IQSEC1: variants seen among roughly 807,000 people sequenced by gnomAD.
IQSEC1 encodes the protein IQ motif and SEC7 domain-containing protein 1.
Under a neutral mutation model 91.0 loss-of-function variants are expected in IQSEC1, and 31 were observed. The ratio of observed to expected loss-of-function variants is 0.34; its 90% CI spans 0.26 to 0.46. IQSEC1 has a LOEUF of 0.46. Among genes scored for constraint, IQSEC1 ranks in the 20% least tolerant of loss-of-function variants. The probability of loss-of-function intolerance (pLI) is 1.00; values close to 1 mark genes in which losing one functional copy is unlikely to be tolerated. For missense variants in IQSEC1, 1,388 were observed against 1,575.6 expected, an observed-to-expected ratio of 0.88 and a Z score of 2.02; for synonymous variants, 699 against 662.6, an observed-to-expected ratio of 1.05 and a Z score of -0.84.
chr3:13,162,745 G>GTGCACCAGGGCAGTCTCCCCTCCTCCTCC, intron 2 of IQSEC1, among the ~76,000 whole-genome samples: 1 of 152,170 alleles, frequency 6.6e-6, no homozygotes, highest in Admixed American at 6.5e-5. Context: ...TTTCTCCATC[G>GTGCACCAGGGCAGTCTCCCCTCCTCCTCC]TGCACCAGGG....
At chr3:13,072,225 C>G (rs1576236294) in intron 1 of IQSEC1, among the ~76,000 whole-genome samples, 1 of 152,352 alleles carries the variant, frequency 6.6e-6, no homozygotes, top group East Asian at 1.9e-4. Context: ...CGCTGGGCCT[C>G]AACCCCCGCA....
At chr3:12,977,377 T>C (rs1701234137) in intron 1 of IQSEC1, among the ~76,000 whole-genome samples, 1 of 150,870 alleles carries the variant, frequency 6.6e-6, no homozygotes, top group Admixed American at 6.6e-5. Flanking sequence ...CGCTATCCCG[T>C]TGGCAAAACG....
At chr3:13,068,465 C>T (rs1315702231) in intron 1 of IQSEC1, among the ~76,000 whole-genome samples, 9 of 152,350 alleles carry the variant, frequency 5.9e-5, no homozygotes, top group Middle Eastern at 3.4e-3. Context: ...GGCCAGGCCT[C>T]TGAATTTTCA....
intron 3 of IQSEC1, among the ~76,000 whole-genome samples, chr3:12,928,504 C>G (rs1249139320): frequency 6.6e-6 from 1 of 152,170 alleles, no homozygotes; most frequent in African/African-American, 2.4e-5. Flanking sequence ...AAGCTCCCTG[C>G]AGGAGTGACA....
At chr3:12,928,248 G>A (rs2125243777) in intron 3 of IQSEC1, among the ~76,000 whole-genome samples, 1 of 152,272 alleles carries the variant, frequency 6.6e-6, no homozygotes, top group East Asian at 1.9e-4. Context: ...GGTGGGGGCG[G>A]TGGAGGTAGG....
intron 1 of IQSEC1, among the ~76,000 whole-genome samples, chr3:13,024,907 T>C (rs1178932136): frequency 6.6e-6 from 1 of 152,222 alleles, no homozygotes; most frequent in Non-Finnish European, 1.5e-5. Flanking sequence ...TTTGTCCCTT[T>C]GCAAAACAGG....
At chr3:13,047,409 T>C (rs1704539565) in intron 1 of IQSEC1, 1 of 876,900 alleles carries the variant, frequency 1.1e-6, no homozygotes, top group South Asian at 5.3e-5. Flanking sequence ...GGCCTGCCTC[T>C]GGGTGCAGAT....
chr3:12,963,987 G>T (rs1700400063), intron 1 of IQSEC1, among the ~76,000 whole-genome samples: 1 of 152,234 alleles, frequency 6.6e-6, no homozygotes, highest in Non-Finnish European at 1.5e-5. Flanking sequence ...TGTCCGCCAT[G>T]AGGCCAGGCG....
At chr3:13,244,265 T>C (rs1350828083) in intron 1 of IQSEC1, among the ~76,000 whole-genome samples, 1 of 152,230 alleles carries the variant, frequency 6.6e-6, no homozygotes, top group Non-Finnish European at 1.5e-5. Flanking sequence ...CGATCTCAGC[T>C]TACTGCAACC....
rs912851366 is a variant in IQSEC1 at position 12,994,227 on chromosome 3, G to C, written c.24-52362C>G. ...CGAGCCCGATACCAGCGCCACCGGC[G>C]GGGCGGCCTCCCCGCGCGCCGCCCT... On this transcript the variant is annotated intron_variant, in intron 1 of 13. Transcript: ENST00000613206. The surrounding 1 kb of genome is among the most constrained non-coding windows in gnomAD (Gnocchi z 4.5). 6.8e-6 allele frequency among the ~76,000 whole-genome samples: 1 copy of C among 148,112 alleles called. No homozygotes were observed. The highest frequency in any genetic ancestry group is 2.5e-5 in the African/African-American group (1 of 40,616).
chr3:12,943,403 G>A (rs1284020499), intron 1 of IQSEC1, among the ~76,000 whole-genome samples: 1 of 152,208 alleles, frequency 6.6e-6, no homozygotes, highest in Non-Finnish European at 1.5e-5. Context: ...GCTTCTCAGT[G>A]TAGGACGAGC....
chr3:13,240,424 C>T (rs1695001784), intron 1 of IQSEC1, among the ~76,000 whole-genome samples: 1 of 152,042 alleles, frequency 6.6e-6, no homozygotes, highest in African/African-American at 2.4e-5. Flanking sequence ...GTTTGAGGCT[C>T]CCCAGGGCTA....
In IQSEC1 at chr3:13,275,467, T is replaced by C. The variant is rs200159657; in HGVS notation, c.272+7244A>G. ...CCCATCTGGGCCTCACCTGGCCCAG[T>C]TGCACCGACCTGTTACAACCAATGA... On this transcript the variant is annotated intron_variant, in intron 1 of 15. Transcript: ENST00000648114. Among the ~76,000 whole-genome samples, 11 of 152,212 alleles carry C rather than the reference T, an allele frequency of 7.2e-5. No homozygotes were observed. In the East Asian group the frequency reaches 1.9e-3, roughly 27 times the overall value.
At chr3:13,237,883 C>T (rs1281533188) in intron 1 of IQSEC1, among the ~76,000 whole-genome samples, 1 of 152,208 alleles carries the variant, frequency 6.6e-6, no homozygotes, top group Non-Finnish European at 1.5e-5. Flanking sequence ...CCAGAGCAGC[C>T]AAGCCCAGGC....
At position 12,899,391 on chromosome 3, in the gene IQSEC1, TAGG is replaced by T. The variant is rs779988181; in HGVS notation, c.*1589_*1591del. ...GGGGCAGTCCTCGGGTCCCATGGCT[TAGG>T]AGCACAGCACTGACGGCTGCAGTGG... is the stretch of plus-strand genomic sequence containing the variant. On this transcript the variant is annotated 3_prime_UTR_variant, in exon 14 of 14. Transcript: ENST00000613206. 164 of 1,612,962 alleles carry T rather than the reference TAGG, an allele frequency of 1.0e-4. No homozygotes were observed. In the East Asian group the frequency reaches 3.4e-3, roughly 33 times the overall value.
intron 1 of IQSEC1, among the ~76,000 whole-genome samples, chr3:13,227,346 A>C (rs1694770974): frequency 7.6e-6 from 1 of 131,810 alleles, no homozygotes. Context: ...ATTGCATTCC[A>C]GCCTGGGCGA....
In IQSEC1 at chr3:13,033,459, A is replaced by T. The variant is rs572357675; in HGVS notation, c.23+39533T>A. On this transcript the variant is annotated intron_variant, in intron 1 of 13. Transcript: ENST00000613206. ...GGCTGTGTTCTCCCTGTGTCTTCAC[A>T]CGGCATATTAGTCAGGGGTCTCCAG... Among the ~76,000 whole-genome samples the T allele has an allele frequency of 2.6e-5, 4 of 152,254 alleles. No individual in the cohort carries two copies. In the East Asian group the frequency reaches 7.7e-4, roughly 29 times the overall value.
At chr3:13,222,190 G>A (rs1214538166) in intron 1 of IQSEC1, among the ~76,000 whole-genome samples, 4 of 139,538 alleles carry the variant, frequency 2.9e-5, no homozygotes, top group African/African-American at 1.1e-4. Flanking sequence ...CTGTCTCCGT[G>A]AATGTGACTA....
intron 1 of IQSEC1, among the ~76,000 whole-genome samples, chr3:12,978,563 G>A (rs760806291): frequency 1.4e-4 from 21 of 152,138 alleles, no homozygotes; most frequent in Non-Finnish European, 2.6e-4. Context: ...AAAATTAGCC[G>A]GGCGTGGGGC....
Sources: gnomAD v4.1 joint callset for allele counts (sites outside exome capture counted in the v4.1 genomes callset) on GRCh38, gnomAD v4.1.1 for gene constraint, Gnocchi (gnomAD v3.1) non-coding constraint, MANE v1.5 for transcripts, NCBI Gene and HGNC (gene_info 2026-07-23, HGNC 2026-07-21) for gene names.